SORCS3: variants seen among roughly 807,000 people sequenced by gnomAD.
The protein encoded by SORCS3 is VPS10 domain-containing receptor SorCS3.
In SORCS3, 57 loss-of-function variants were observed where a neutral mutation model predicts 146.3. That is an observed-to-expected ratio of 0.39 (90% CI 0.31 to 0.49). The LOEUF (loss-of-function observed/expected upper bound fraction) is 0.49. Ranked by LOEUF, SORCS3 falls within the 20% of genes least tolerant of loss-of-function variation. The pLI is 0.92. For missense variants in SORCS3, 1,341 were observed against 1,575.5 expected (o/e 0.85, Z 2.52); for synonymous variants, 653 against 618.5 (o/e 1.06, Z -0.83).
chr10:105,263,470 C>A lies in SORCS3; in HGVS notation c.*96C>A. On this transcript the variant is annotated 3_prime_UTR_variant, in exon 27 of 27. Coordinates refer to ENST00000369701, the MANE Select transcript of SORCS3 (RefSeq NM_014978.3). ...GGAAAAATTAAAATGTCTTTTTTACCTTTTGTTTACCAAGGGCCCCTTCAT... is the reference window on the plus strand; with the variant it reads ...GGAAAAATTAAAATGTCTTTTTTACATTTTGTTTACCAAGGGCCCCTTCAT... 3 of 1,256,718 alleles carry A rather than the reference C, an allele frequency of 2.4e-6. No homozygotes were observed. The highest frequency in any genetic ancestry group is 3.4e-6 in the Non-Finnish European group (3 of 888,160). 77.8% of individuals were successfully genotyped at this position (1,256,718 alleles called of 1,614,324 possible).
chr10:104,762,722 C>T (rs2017135972), intron 1 of SORCS3, among the ~76,000 whole-genome samples: 1 of 152,158 alleles, frequency 6.6e-6, no homozygotes, highest in Non-Finnish European at 1.5e-5. Context: ...TGGCACTTCC[C>T]CTTCACTTGC....
chr10:104,809,677 T>A (rs2133517374), intron 1 of SORCS3, among the ~76,000 whole-genome samples: 1 of 152,340 alleles, frequency 6.6e-6, no homozygotes, highest in East Asian at 1.9e-4. Context: ...CAAGCGGGAC[T>A]GCTTTATAGT....
chr10:104,912,749 T>G (rs1053118847), intron 2 of SORCS3, among the ~76,000 whole-genome samples: 3 of 152,162 alleles, frequency 2.0e-5, no homozygotes, highest in Admixed American at 6.5e-5. Context: ...ATGGTTCTAG[T>G]CTTCAAGGAG....
intron 3 of SORCS3, among the ~76,000 whole-genome samples, chr10:104,972,904 AG>A (rs1462083534): frequency 3.0e-4 from 46 of 152,278 alleles, no homozygotes; most frequent in African/African-American, 1.1e-3. Context: ...TTTAGCATGA[AG>A]GGTTGTTGAA....
At chr10:104,801,809 G>A (rs888883465) in intron 1 of SORCS3, among the ~76,000 whole-genome samples, 15 of 152,202 alleles carry the variant, frequency 9.9e-5, no homozygotes, top group Non-Finnish European at 2.1e-4. Context: ...CAGTGTCATT[G>A]TAGTACACAG....
At chr10:105,168,406 G>A (rs980749120) in intron 13 of SORCS3, among the ~76,000 whole-genome samples, 1 of 152,150 alleles carries the variant, frequency 6.6e-6, no homozygotes, top group African/African-American at 2.4e-5. Flanking sequence ...GGGAATGGAT[G>A]AGTCTCATTT....
chr10:104,729,881 A>G (rs964253684), intron 1 of SORCS3, among the ~76,000 whole-genome samples: 1 of 152,238 alleles, frequency 6.6e-6, no homozygotes, highest in African/African-American at 2.4e-5. Flanking sequence ...ATCTGCCAAC[A>G]GACTATGTGT....
intron 18 of SORCS3, among the ~76,000 whole-genome samples, 182 bp downstream of exon 18, chr10:105,214,795 C>G (rs1589692074): frequency 6.6e-6 from 1 of 152,202 alleles, no homozygotes; most frequent in African/African-American, 2.4e-5. Context: ...ACCCTCCTCC[C>G]TTTATCCCAC....
chr10:105,058,759 A>G (rs1275595608), intron 5 of SORCS3, among the ~76,000 whole-genome samples: 2 of 152,182 alleles, frequency 1.3e-5, no homozygotes, highest in East Asian at 3.9e-4. Context: ...GGTGATGACC[A>G]AGGGAGAACC....
chr10:105,016,266 T>C (rs790648), intron 4 of SORCS3, among the ~76,000 whole-genome samples: 78,281 of 147,854 alleles, frequency 0.53, 23,166 homozygotes, highest in African/African-American at 0.81. Flanking sequence ...ATTCTCCTGC[T>C]TCACCCTCCT....
At chr10:104,678,239 G>A (rs779180055) in intron 1 of SORCS3, among the ~76,000 whole-genome samples, 5 of 151,982 alleles carry the variant, frequency 3.3e-5, no homozygotes, top group Non-Finnish European at 5.9e-5. Flanking sequence ...GGAGGTTCTC[G>A]TTATTTGGGA....
chr10:104,870,438 TG>T (rs1170327059), intron 2 of SORCS3, among the ~76,000 whole-genome samples: 1 of 54,850 alleles, frequency 1.8e-5, no homozygotes, highest in African/African-American at 6.4e-5. Context: ...ATTTGTTTAA[TG>T]TTTTTTTTTT....
intron 8 of SORCS3, among the ~76,000 whole-genome samples, chr10:105,147,034 C>T (rs2056136091): frequency 6.6e-6 from 1 of 151,712 alleles, no homozygotes; most frequent in Non-Finnish European, 1.5e-5. Flanking sequence ...AGCAGAACCT[C>T]CCTTACCTTT....
chr10:104,861,559 C>G (rs985610336), intron 2 of SORCS3, among the ~76,000 whole-genome samples: 4 of 152,164 alleles, frequency 2.6e-5, no homozygotes, highest in African/African-American at 9.7e-5. Context: ...TTTGGGCACT[C>G]ATTCTCGTGT....
At chr10:105,183,902 G>A (rs1018704) in intron 14 of SORCS3, among the ~76,000 whole-genome samples, 7,130 of 152,326 alleles carry the variant, frequency 0.047, 294 homozygotes, top group Admixed American at 0.13. Context: ...CTGAGAGCAT[G>A]GGCTTTGGAG....
chr10:104,819,590 G>A (rs1035746774), intron 1 of SORCS3, among the ~76,000 whole-genome samples: 8 of 152,144 alleles, frequency 5.3e-5, no homozygotes, highest in African/African-American at 1.2e-4. Context: ...TCCTTGGAGC[G>A]GGGCCACACC....
At chr10:104,973,480 T>C (rs1390370562) in intron 3 of SORCS3, among the ~76,000 whole-genome samples, 6 of 152,128 alleles carry the variant, frequency 3.9e-5, no homozygotes, top group African/African-American at 1.2e-4. Flanking sequence ...AGTTTATTTC[T>C]GTAGAGGTGT....
chr10:104,655,836 C>T (rs2015623002), intron 1 of SORCS3, among the ~76,000 whole-genome samples: 1 of 152,178 alleles, frequency 6.6e-6, no homozygotes. Context: ...TTGCCTTCTG[C>T]CATGATTGGA....
chr10:104,857,661 T>C (rs993547810), intron 2 of SORCS3, among the ~76,000 whole-genome samples: 2 of 152,162 alleles, frequency 1.3e-5, no homozygotes, highest in African/African-American at 2.4e-5. Flanking sequence ...TGGCTTTCCA[T>C]TGTATAAACA....
Sources: gnomAD v4.1 joint callset for allele counts (sites outside exome capture counted in the v4.1 genomes callset) on GRCh38, gnomAD v4.1.1 for gene constraint, MANE v1.5 for transcripts, NCBI Gene and HGNC (gene_info 2026-07-23, HGNC 2026-07-21) for gene names.